The following ANGPTL6 variants were observed in gnomAD, a reference collection of about 807,000 sequenced individuals.
ANGPTL6 encodes the protein angiopoietin like 6.
ANGPTL6 carries 45 observed loss-of-function variants against 47.4 expected under a neutral mutation model. The ratio of observed to expected loss-of-function variants is 0.95; its 90% CI spans 0.75 to 1.22. The LOEUF (loss-of-function observed/expected upper bound fraction) is 1.22. Among genes scored for constraint, ANGPTL6 ranks in the 50% most tolerant of loss-of-function variants. ANGPTL6 has a pLI of 0.00. For missense variants in ANGPTL6, 698 were observed against 669.4 expected (o/e 1.04, Z -0.47); for synonymous variants, 290 against 295.9 (o/e 0.98, Z 0.20).
chr19:10,099,608 CTAT>C, intron 1 of ANGPTL6, among the ~76,000 whole-genome samples: 1 of 146,806 alleles, frequency 6.8e-6, no homozygotes, highest in East Asian at 2.0e-4. Context: ...AAAACTTGTG[CTAT>C]CTGCCATATC....
intron 3 of ANGPTL6, chr19:10,094,493 A>G: frequency 2.0e-6 from 1 of 497,904 alleles, no homozygotes; most frequent in Non-Finnish European, 3.5e-6. Flanking sequence ...CCTCACCATA[A>G]TATAAGTCCT....
rs951679349 is a variant in ANGPTL6 at position 10,098,824 on chromosome 19, C to CA, written c.-10-2252dup. Among the ~76,000 whole-genome samples the CA allele has an allele frequency of 3.3e-3, 465 of 141,720 alleles. 3 individuals carry two copies. Among genetic ancestry groups the CA allele is most frequent in the South Asian group, 6.7e-3 (30 of 4,472 alleles). The allele number at this position is 141,720 out of a possible 152,430, so 93.0% of individuals were successfully genotyped here. A position where few individuals can be genotyped will look rare whatever the true frequency, so the allele number is the denominator to read the frequency against. The stretch of plus-strand genomic sequence containing the variant: ...GGACAACAAAAGCAAAACACTGTCT[C>CA]AAAAAAAAAAAATAGCAAAGGGAGC... On this transcript the variant is annotated intron_variant, in intron 1 of 5. Coordinates refer to ENST00000253109, the MANE Select transcript of ANGPTL6 (RefSeq NM_031917.3).
chr19:10,097,159 A>G (rs1428554678), intron 1 of ANGPTL6, among the ~76,000 whole-genome samples: 6 of 152,184 alleles, frequency 3.9e-5, no homozygotes, highest in Admixed American at 3.9e-4. Flanking sequence ...TAATTCCAGC[A>G]CTTTGGGAGG....
chr19:10,098,005 CAAAAAAAA>C (rs71188881), intron 1 of ANGPTL6, among the ~76,000 whole-genome samples: 2,222 of 130,878 alleles, frequency 0.017, 21 homozygotes, highest in Middle Eastern at 0.056. Flanking sequence ...CTGTCTCTAC[CAAAAAAAA>C]AAAAAAAAAA....
intron 1 of ANGPTL6, among the ~76,000 whole-genome samples, chr19:10,097,646 G>A (rs1428992410): frequency 6.6e-6 from 1 of 152,108 alleles, no homozygotes; most frequent in Non-Finnish European, 1.5e-5. Context: ...GAGGTCAAGA[G>A]ATCGAGACCA....
chr19:10,105,254 C>A (rs2088789810), upstream of ANGPTL6, among the ~76,000 whole-genome samples: 1 of 152,274 alleles, frequency 6.6e-6, no homozygotes, highest in South Asian at 2.1e-4. Flanking sequence ...CTCGGCCCCC[C>A]ACCCTCAGCC....
At position 10,094,816 on chromosome 19, in the gene ANGPTL6, C is replaced by A; in HGVS notation, c.705G>T (p.Gln235His). ...CAGGCATGGGAGAAGCCATGGGCTC[C>A]TGCTGTCTCTGGGTCTGGTCTCTCT... ...EPQRDQTQRQ[Q>H]EPMASPMPAG... is the part of the protein sequence containing the mutation. The change falls in exon 3 of 6, where the codon CAG (glutamine) becomes CAT (histidine). Residue 235 changes from glutamine to histidine, a missense_variant. Coordinates refer to ENST00000253109, the MANE Select transcript of ANGPTL6 (RefSeq NM_031917.3). 6.2e-7 allele frequency: 1 copy of A among 1,614,220 alleles called. No homozygotes were observed. Among genetic ancestry groups the A allele is most frequent in the Non-Finnish European group, 8.5e-7 (1 of 1,180,036 alleles).
At chr19:10,094,251 T>A (rs2088472264) in intron 3 of ANGPTL6, among the ~76,000 whole-genome samples, 1 of 152,070 alleles carries the variant, frequency 6.6e-6, no homozygotes, top group Admixed American at 6.6e-5. Context: ...GGTTCACGCC[T>A]TTCTCCTGCC....
intron 1 of ANGPTL6, among the ~76,000 whole-genome samples, chr19:10,099,347 C>T (rs1393628232): frequency 1.3e-5 from 2 of 152,148 alleles, no homozygotes; most frequent in Non-Finnish European, 2.9e-5. Flanking sequence ...GAGGCGGAGG[C>T]GGGCGGATCA....
At chr19:10,102,135 A>G (rs1338468193) in intron 1 of ANGPTL6, among the ~76,000 whole-genome samples, 6 of 150,306 alleles carry the variant, frequency 4.0e-5, no homozygotes, top group Middle Eastern at 3.4e-3. Context: ...AAAAAAAAAA[A>G]AAAGAAATGG....
intron 1 of ANGPTL6, among the ~76,000 whole-genome samples, chr19:10,101,478 C>T (rs1024517967): frequency 6.6e-6 from 1 of 152,032 alleles, no homozygotes; most frequent in Non-Finnish European, 1.5e-5. Flanking sequence ...GCAGAGAGAA[C>T]AGCAGGTGCA....
chr19:10,104,307 TTGTGTGTGTGGTG>T (rs980396052), upstream of ANGPTL6, among the ~76,000 whole-genome samples: 14 of 85,284 alleles, frequency 1.6e-4, no homozygotes, highest in Non-Finnish European at 2.5e-4. Context: ...TTTGTTTTGT[TTGTGTGTGTGGTG>T]TGTGTGTGTG....
upstream of ANGPTL6, among the ~76,000 whole-genome samples, chr19:10,103,617 AAATAAAT>A (rs1488911278): frequency 0.026 from 728 of 27,652 alleles, 7 homozygotes; most frequent in African/African-American, 0.14. Context: ...ATAAATAAAT[AAATAAAT>A]AATAAATAAA....
At chr19:10,099,164 A>G (rs534330559) in intron 1 of ANGPTL6, among the ~76,000 whole-genome samples, 4 of 152,120 alleles carry the variant, frequency 2.6e-5, no homozygotes, top group African/African-American at 9.7e-5. Context: ...TCTCTCTGAC[A>G]GCAGCCAGAG....
At chr19:10,104,317 G>GTGTGTAT (rs60395358), upstream of ANGPTL6, among the ~76,000 whole-genome samples, 10 of 117,966 alleles carry the variant, frequency 8.5e-5, no homozygotes, top group African/African-American at 3.5e-4. Flanking sequence ...TTGTGTGTGT[G>GTGTGTAT]GTGTGTGTGT....
chr19:10,102,462 C>T (rs1568475895), intron 1 of ANGPTL6, 106 bp downstream of exon 1: 2 of 731,436 alleles, frequency 2.7e-6, no homozygotes, highest in Admixed American at 6.3e-5. Flanking sequence ...GCCTTTTACA[C>T]TCTCAGCCTG....
intron 5 of ANGPTL6, 73 bp downstream of exon 5, chr19:10,093,276 C>G: frequency 1.3e-6 from 2 of 1,544,332 alleles, no homozygotes; most frequent in Non-Finnish European, 1.8e-6. Flanking sequence ...CCTACCCTAC[C>G]TCCTTTCATT....
At chr19:10,105,351 T>TGGAGATGGGAGAGGCATAG (rs926041992), upstream of ANGPTL6, among the ~76,000 whole-genome samples, 137 of 151,376 alleles carry the variant, frequency 9.1e-4, 1 homozygote, top group Non-Finnish European at 5.6e-4. Flanking sequence ...GTCAGACAGA[T>TGGAGATGGGAGAGGCATAG]GGAGATGGGA....
Position 10,096,418 on chromosome 19 carries a change from G to C in ANGPTL6, c.146C>G (p.Ser49Cys). 2 of 1,326,958 alleles carry C rather than the reference G, an allele frequency of 1.5e-6. No homozygotes were observed. The highest frequency in any genetic ancestry group is 1.9e-6 in the Non-Finnish European group (2 of 1,042,440). 82.2% of individuals were successfully genotyped at this position (1,326,958 alleles called of 1,614,324 possible). Reference protein sequence around the residue: ...TGAVCWSGPASTRATPEAANA... With the variant: ...TGAVCWSGPACTRATPEAANA... The stretch of plus-strand genomic sequence containing the variant: ...GGCGGCCTCGGGCGTCGCCCGCGTG[G>C]ATGCGGGGCCGCTCCAGCACACAGC... Residue 49 changes from serine (S) to cysteine (C), a missense_variant, in exon 2 of 6, where the codon TCC (serine) becomes TGC (cysteine). By Grantham distance (112) the Ser-to-Cys change is moderately radical (BLOSUM62 -1). Transcript: ENST00000253109.
Sources: allele counts gnomAD v4.1 joint callset (sites outside exome capture counted in the v4.1 genomes callset), GRCh38; gene constraint gnomAD v4.1.1; transcripts MANE v1.5; gene names NCBI Gene and HGNC (gene_info 2026-07-23, HGNC 2026-07-21).